ZPBP: variants seen among roughly 807,000 people sequenced by gnomAD.
The protein encoded by ZPBP is zona pellucida binding protein.
In ZPBP, 26 loss-of-function variants were observed where a neutral mutation model predicts 44.8. That is an observed-to-expected ratio of 0.58 (90% CI 0.43 to 0.81). The LOEUF is 0.81. Among genes scored for constraint, ZPBP ranks in the 30% least tolerant of loss-of-function variants. ZPBP has a pLI of 0.00. For missense variants in ZPBP, 409 were observed against 434.0 expected (o/e 0.94, Z 0.51); for synonymous variants, 174 against 153.2 (o/e 1.14, Z -1.00).
At chr7:50,024,805 C>A (rs1317226198) in intron 5 of ZPBP, among the ~76,000 whole-genome samples, 1 of 151,890 alleles carries the variant, frequency 6.6e-6, no homozygotes, top group Admixed American at 6.6e-5. Context: ...ATGCTAAAAA[C>A]TTGCAAGAAG....
rs182546325 is a variant in ZPBP, at chr7:50,029,951, G to C, written c.706+1141C>G. On this transcript the variant is annotated intron_variant, in intron 5 of 7. Coordinates refer to ENST00000046087, the MANE Select transcript of ZPBP (RefSeq NM_007009.3). Reference sequence around the variant, plus strand: ...GCTCACTGAAACCTCAGCTTCCCGGGTTCAAGTGATTCTCCTGCCTCAGCC... The same window carrying C: ...GCTCACTGAAACCTCAGCTTCCCGGCTTCAAGTGATTCTCCTGCCTCAGCC... Among the ~76,000 whole-genome samples, 841 of 152,254 alleles carry C rather than the reference G, an allele frequency of 5.5e-3. 8 individuals are homozygous for C. Among genetic ancestry groups the C allele is most frequent in the African/African-American group, 0.019 (795 of 41,548 alleles).
chr7:50,027,586 AC>A (rs1414317667), intron 5 of ZPBP, among the ~76,000 whole-genome samples: 3 of 152,034 alleles, frequency 2.0e-5, no homozygotes, highest in African/African-American at 7.2e-5. Flanking sequence ...ATGAATTAAA[AC>A]CAGAGGTAGC....
chr7:50,092,863 C>G (rs955394045), intron 1 of ZPBP: 1 of 725,832 alleles, frequency 1.4e-6, no homozygotes, highest in African/African-American at 1.9e-5. Context: ...CCATCTATAC[C>G]TTAATTTCCT....
intron 4 of ZPBP, among the ~76,000 whole-genome samples, chr7:50,033,678 G>GTTTGTTTGTTTGTTTATTTATTTA (rs143206693): frequency 5.4e-5 from 8 of 148,824 alleles, no homozygotes; most frequent in African/African-American, 1.5e-4. Context: ...TCTTTCTACA[G>GTTTGTTTGTTTGTTTATTTATTTA]TTTATTTATT....
chr7:49,872,915 CAAAAA>C (rs61473396), intron 2 of ZPBP, among the ~76,000 whole-genome samples: 7 of 33,946 alleles, frequency 2.1e-4, no homozygotes, highest in South Asian at 1.6e-3. Context: ...GACTTTGTCT[CAAAAA>C]AAAAAAAAAA....
rs549333075 is a variant in ZPBP, at chr7:50,000,971, A to C, written c.783+17269T>G. 4.6e-5 allele frequency among the ~76,000 whole-genome samples: 7 copies of C among 152,240 alleles called. No individual in the cohort carries two copies. In the South Asian group the frequency reaches 1.4e-3, roughly 32 times the overall value. Reference sequence around the variant, plus strand: ...CCCTAATTCAATGACTGGTGTTCTCATAAGAAGAGTTAAGGACACAGACAC... The same window carrying C: ...CCCTAATTCAATGACTGGTGTTCTCCTAAGAAGAGTTAAGGACACAGACAC... On this transcript the variant is annotated intron_variant, in intron 6 of 7. Coordinates refer to ENST00000046087, the MANE Select transcript of ZPBP (RefSeq NM_007009.3).
intron 7 of ZPBP, among the ~76,000 whole-genome samples, chr7:49,941,843 T>C (rs145529525): frequency 6.6e-6 from 1 of 152,212 alleles, no homozygotes; most frequent in Non-Finnish European, 1.5e-5. Flanking sequence ...AAGTCTCACA[T>C]TTCCTGATTT....
intron 4 of ZPBP, among the ~76,000 whole-genome samples, chr7:50,035,990 ATAACT>A (rs920759945): frequency 5.3e-5 from 8 of 152,234 alleles, no homozygotes; most frequent in African/African-American, 1.4e-4. Context: ...TAAAAAATAA[ATAACT>A]TAAGTGAAAT....
intron 4 of ZPBP, among the ~76,000 whole-genome samples, chr7:50,045,084 T>C (rs947576627): frequency 1.3e-5 from 2 of 152,192 alleles, no homozygotes; most frequent in African/African-American, 4.8e-5. Context: ...AAAAGGTCTT[T>C]GATAAAATAC....
chr7:49,980,469 T>A (rs1796798280), intron 7 of ZPBP, among the ~76,000 whole-genome samples: 1 of 151,334 alleles, frequency 6.6e-6, no homozygotes, highest in Non-Finnish European at 1.5e-5. Flanking sequence ...CTGGATAGTT[T>A]ATAAAGGAAA....
intron 6 of ZPBP, among the ~76,000 whole-genome samples, chr7:49,999,345 GAGAA>G (rs1797996989): frequency 6.6e-6 from 1 of 151,694 alleles, no homozygotes; most frequent in African/African-American, 2.4e-5. Flanking sequence ...AGCTGGTGAG[GAGAA>G]AGATAGTCTA....
At chr7:49,977,830 T>C (rs1041096092) in intron 7 of ZPBP, among the ~76,000 whole-genome samples, 1 of 152,312 alleles carries the variant, frequency 6.6e-6, no homozygotes, top group East Asian at 1.9e-4. Context: ...ATTCTATGTG[T>C]TGCCTTATCA....
rs542565349 is a variant in ZPBP at position 49,912,444 on chromosome 7, C to G, written n.412-11229G>C. ...TTCACAGTAAGTACACAAAAGTACA[C>G]TATTATATATCAAATGTATTTCTAT... On this transcript the variant is annotated intron_variant and non_coding_transcript_variant, in intron 1 of 2. Coordinates refer to the ZPBP transcript ENST00000465922. 757 of 350,854 alleles carry G rather than the reference C, an allele frequency of 2.2e-3. 4 individuals carry two copies. The highest frequency in any genetic ancestry group is 3.4e-3 in the Admixed American group (81 of 23,934). The allele number at this position is 350,854 out of a possible 1,614,324, so 21.7% of individuals were successfully genotyped here.
At chr7:50,069,472 T>C (rs978126800) in intron 3 of ZPBP, among the ~76,000 whole-genome samples, 8 of 152,154 alleles carry the variant, frequency 5.3e-5, no homozygotes, top group African/African-American at 1.9e-4. Context: ...CATGAGTCAA[T>C]ACAAAGACTA....
At chr7:50,057,844 A>G in intron 4 of ZPBP, 145 bp downstream of exon 4, 1 of 727,572 alleles carries the variant, frequency 1.4e-6, no homozygotes, top group South Asian at 1.9e-5. Context: ...CCCTTTACAA[A>G]GTACTTACAT....
At chr7:50,054,369 T>C (rs1472947510) in intron 4 of ZPBP, among the ~76,000 whole-genome samples, 1 of 151,976 alleles carries the variant, frequency 6.6e-6, no homozygotes, top group Non-Finnish European at 1.5e-5. Context: ...TAGCAAAATA[T>C]CTAAAAATTA....
chr7:49,995,767 G>C (rs952745311), intron 6 of ZPBP, among the ~76,000 whole-genome samples: 56 of 152,280 alleles, frequency 3.7e-4, no homozygotes, highest in African/African-American at 1.3e-3. Context: ...AAACAAGCCA[G>C]TCACAGAAGA....
rs756288523 is a variant in ZPBP, at chr7:50,031,148, T to G, written c.650A>C (p.His217Pro). Reference protein sequence around the residue: ...CEISLLKSECHRVKMQRAGLQ... With the variant: ...CEISLLKSECPRVKMQRAGLQ... ...ACCAGCTCTTTGCATTTTAACGCGA[T>G]GGCATTCAGACTTAAGTAAGGAAAT... The change falls in exon 5 of 8, where the codon CAT (histidine) becomes CCT (proline). Residue 217 changes from histidine (H) to proline (P), a missense_variant. Transcript: ENST00000046087. The G allele has an allele frequency of 1.1e-5, 18 of 1,613,818 alleles. No individual in the cohort carries two copies. Among genetic ancestry groups the G allele is most frequent in the Non-Finnish European group, 1.5e-5 (18 of 1,179,844 alleles).
intron 7 of ZPBP, among the ~76,000 whole-genome samples, chr7:49,976,917 A>T (rs1796541389): frequency 6.6e-6 from 1 of 151,876 alleles, no homozygotes; most frequent in Non-Finnish European, 1.5e-5. Context: ...CCTGGCTAAC[A>T]CGGTGAAACC....
Sources: allele counts gnomAD v4.1 joint callset (sites outside exome capture counted in the v4.1 genomes callset), GRCh38; gene constraint gnomAD v4.1.1; transcripts MANE v1.5; gene names NCBI Gene and HGNC (gene_info 2026-07-23, HGNC 2026-07-21).